The following GOLGA8O variants were observed in gnomAD, a reference collection of about 807,000 sequenced individuals.
GOLGA8O encodes the protein golgin A8 family member O.
A neutral mutation model predicts 29.7 loss-of-function variants in GOLGA8O; 4 were observed. The ratio of observed to expected loss-of-function variants is 0.13; its 90% CI spans 0.07 to 0.31. The LOEUF is 0.31. Ranked by LOEUF, GOLGA8O falls within the 10% of genes least tolerant of loss-of-function variation. The pLI, the probability that GOLGA8O is intolerant of heterozygous loss-of-function variation, is 1.00. For missense variants in GOLGA8O, 32 were observed against 216.5 expected, an observed-to-expected ratio of 0.15 and a Z score of 5.35; for synonymous variants, 6 against 78.0, an observed-to-expected ratio of 0.08 and a Z score of 4.87.
intron 17 of GOLGA8O, 43 bp downstream of exon 17, chr15:32,445,572 ACAC>A: frequency 2.8e-3 from 16 of 5,754 alleles, no homozygotes; most frequent in Admixed American, 5.3e-3. Flanking sequence ...GCCCACCCTC[ACAC>A]CCACCCCCAC....
the GOLGA8O span, among the ~76,000 whole-genome samples, chr15:32,460,707 A>ATG: frequency 1.0e-5 from 1 of 96,582 alleles, no homozygotes; most frequent in Admixed American, 9.6e-5. Flanking sequence ...ACACACACAC[A>ATG]CGCACACACA....
chr15:32,460,680 A>T, the GOLGA8O span, among the ~76,000 whole-genome samples: 2 of 97,726 alleles, frequency 2.0e-5, 1 homozygote, highest in South Asian at 7.0e-4. Context: ...AGAAACTTAA[A>T]ATACACACGC....
intron 8 of GOLGA8O, among the ~76,000 whole-genome samples, chr15:32,450,654 A>T (rs1275283423): frequency 2.6e-5 from 4 of 152,046 alleles, no homozygotes; most frequent in African/African-American, 4.8e-5. Context: ...CTTGCCCAAG[A>T]CCACAGCCAG....
At chr15:32,458,906 CA>C, upstream of GOLGA8O, among the ~76,000 whole-genome samples, 1 of 93,336 alleles carries the variant, frequency 1.1e-5, no homozygotes, top group East Asian at 2.5e-4. Context: ...TTCGGTCTCC[CA>C]AAGCACTGAG....
chr15:32,450,553 G>C (rs1196001760), intron 8 of GOLGA8O, among the ~76,000 whole-genome samples: 1 of 76,028 alleles, frequency 1.3e-5, no homozygotes, highest in Non-Finnish European at 2.9e-5. Context: ...ACACACACAT[G>C]CACGCGTTTC....
intron 5 of GOLGA8O, 109 bp downstream of exon 5, chr15:32,451,492 G>C: frequency 6.3e-7 from 1 of 1,579,680 alleles, no homozygotes; most frequent in South Asian, 1.1e-5. Context: ...AATCTGAGGG[G>C]TGAGCCTTCT....
chr15:32,451,475 G>A (rs1434550939), intron 5 of GOLGA8O, 126 bp downstream of exon 5: 1 of 1,493,660 alleles, frequency 6.7e-7, no homozygotes, highest in Non-Finnish European at 9.2e-7. Flanking sequence ...CTGTGGGGAT[G>A]GGGTGGAATC....
At chr15:32,460,711 A>G in the GOLGA8O span, among the ~76,000 whole-genome samples, 150 of 98,464 alleles carry the variant, frequency 1.5e-3, 43 homozygotes, top group Admixed American at 5.1e-3. Context: ...ACACACACGC[A>G]CACACACACA....
chr15:32,450,551 ATGCAC>A (rs2055109465), intron 8 of GOLGA8O, among the ~76,000 whole-genome samples: 1 of 129,918 alleles, frequency 7.7e-6, no homozygotes, highest in East Asian at 2.4e-4. Context: ...ACACACACAC[ATGCAC>A]GCGTTTCCTC....
chr15:32,460,689 G>A, the GOLGA8O span, among the ~76,000 whole-genome samples: 63 of 97,286 alleles, frequency 6.5e-4, 20 homozygotes, highest in African/African-American at 2.6e-3. Context: ...AAATACACAC[G>A]CGCACACACA....
chr15:32,450,635 C>G (rs1384740196), intron 8 of GOLGA8O, among the ~76,000 whole-genome samples: 1 of 151,998 alleles, frequency 6.6e-6, no homozygotes, highest in Non-Finnish European at 1.5e-5. Context: ...CCCAATACCC[C>G]ACCTAGGACT....
At chr15:32,453,319 G>A (rs2055152162) in intron 2 of GOLGA8O, among the ~76,000 whole-genome samples, 1 of 79,124 alleles carries the variant, frequency 1.3e-5, no homozygotes, top group South Asian at 4.8e-4. Context: ...TTTTGAGACA[G>A]AGTCTTGCTC....
At chr15:32,460,687 A>ACG in the GOLGA8O span, among the ~76,000 whole-genome samples, 3 of 97,964 alleles carry the variant, frequency 3.1e-5, 1 homozygote, top group East Asian at 2.6e-4. Flanking sequence ...TAAAATACAC[A>ACG]CGCGCACACA....
At chr15:32,450,650 C>T (rs1226662705) in intron 8 of GOLGA8O, among the ~76,000 whole-genome samples, 2 of 152,072 alleles carry the variant, frequency 1.3e-5, no homozygotes, top group African/African-American at 4.8e-5. Flanking sequence ...AGGACTTGCC[C>T]AAGACCACAG....
At position 32,455,378 on chromosome 15, in the gene GOLGA8O, TGGGGG is replaced by T; in HGVS notation, c.48+106_48+110del. On this transcript the variant is annotated intron_variant, in intron 1 of 18. Coordinates refer to ENST00000509311, the MANE Select transcript of GOLGA8O (RefSeq NM_001277308.1). Reference sequence around the variant, plus strand: ...TGGGGGTAGCCCAAGGCACCGGGGTTGGGGGGACCAGTCCAGTGTGCCTCAGGAGT... The same window carrying T: ...TGGGGGTAGCCCAAGGCACCGGGGTTGACCAGTCCAGTGTGCCTCAGGAGT... 3 of 383,744 alleles carry T rather than the reference TGGGGG, an allele frequency of 7.8e-6. 1 individual carries two copies. Among genetic ancestry groups the T allele is most frequent in the Non-Finnish European group, 1.4e-5 (3 of 220,078 alleles). The allele number at this position is 383,744 out of a possible 1,614,324, so 23.8% of individuals were successfully genotyped here. A position where few individuals can be genotyped will look rare whatever the true frequency, so the allele number is the denominator to read the frequency against.
chr15:32,450,889 G>C, intron 8 of GOLGA8O, 24 bp downstream of exon 8: 2 of 953,430 alleles, frequency 2.1e-6, no homozygotes, highest in East Asian at 2.7e-5. Context: ...GCTCCCAGGG[G>C]ATGGGGCAGG....
Position 32,445,664 on chromosome 15 carries a change from T to G in GOLGA8O, c.1521A>C (p.Ala507=). 1.7e-6 allele frequency: 1 copy of G among 580,412 alleles called. No individual in the cohort carries two copies. Among genetic ancestry groups the G allele is most frequent in the Non-Finnish European group, 2.5e-6 (1 of 408,008 alleles). The allele number at this position is 580,412 out of a possible 1,614,324, so 36.0% of individuals were successfully genotyped here. A position where few individuals can be genotyped will look rare whatever the true frequency, so the allele number is the denominator to read the frequency against. ...CAGCCTGATGGTGTCCTCCTCCCAG[T>G]GCTGCATCTTTGGCACGGCCCCCTG... is the stretch of plus-strand genomic sequence containing the variant. The part of the protein sequence containing the change: ...SEPGGRAKDA[A]LGGGHHQAGA... Residue 507 remains alanine (A), a synonymous_variant, in exon 17 of 19, where the codon GCA becomes GCC. Coordinates refer to ENST00000509311, the MANE Select transcript of GOLGA8O (RefSeq NM_001277308.1).
chr15:32,446,484 C>G lies in GOLGA8O; in HGVS notation c.1358G>C (p.Arg453Thr), dbSNP rs1243307733. The change falls in exon 15 of 19, where the codon AGG becomes ACG. Residue 453 changes from arginine (R) to threonine (T), a missense_variant. Arg to Thr is a moderately conservative substitution (Grantham distance 71, BLOSUM62 -1). Coordinates refer to ENST00000509311, the MANE Select transcript of GOLGA8O (RefSeq NM_001277308.1). ...MPSVPEDPES[R>T]EAMSSFMDHL... ...GGGAGTCAGGCTCACCATGGCCTCCCTGCTCTCCGGGTCCTCTGGGACACT... is the reference window on the plus strand; with the variant it reads ...GGGAGTCAGGCTCACCATGGCCTCCGTGCTCTCCGGGTCCTCTGGGACACT... 2 of 1,576,158 alleles carry G rather than the reference C, an allele frequency of 1.3e-6. No homozygotes were observed. The highest frequency in any genetic ancestry group is 1.5e-5 in the African/African-American group (1 of 66,714).
At chr15:32,445,576 CCA>C in intron 17 of GOLGA8O, 40 bp downstream of exon 17, 1 of 624 alleles carries the variant, frequency 1.6e-3, no homozygotes, top group Admixed American at 0.029. Context: ...ACCCTCACAC[CCA>C]CCCCCACCCC....
Sources: gnomAD v4.1 joint callset for allele counts (sites outside exome capture counted in the v4.1 genomes callset) on GRCh38, gnomAD v4.1.1 for gene constraint, MANE v1.5 for transcripts, NCBI Gene and HGNC (gene_info 2026-07-23, HGNC 2026-07-21) for gene names.